DPYSL3: variants seen among roughly 807,000 people sequenced by gnomAD.
DPYSL3 encodes dihydropyrimidinase like 3.
DPYSL3 carries 16 observed loss-of-function variants against 66.1 expected under a neutral mutation model. The ratio of observed to expected loss-of-function variants is 0.24; its 90% CI spans 0.16 to 0.37. The LOEUF is 0.37. Among genes scored for constraint, DPYSL3 ranks in the 10% least tolerant of loss-of-function variants. DPYSL3 has a pLI of 1.00. For missense variants in DPYSL3, 738 were observed against 916.2 expected, an observed-to-expected ratio of 0.81 and a Z score of 2.51; for synonymous variants, 338 against 345.1, an observed-to-expected ratio of 0.98 and a Z score of 0.23.
chr5:147,493,464 T>C (rs532383228), intron 1 of DPYSL3, among the ~76,000 whole-genome samples: 2 of 152,120 alleles, frequency 1.3e-5, no homozygotes, highest in East Asian at 3.9e-4. Flanking sequence ...TCCCATCTAC[T>C]CAGGAGGCTG....
intron 1 of DPYSL3, among the ~76,000 whole-genome samples, chr5:147,474,079 T>C (rs1455979849): frequency 5.3e-5 from 8 of 152,082 alleles, no homozygotes; most frequent in Non-Finnish European, 1.2e-4. Flanking sequence ...GGAAATACTG[T>C]CTTAATCTTT....
At chr5:147,453,457 A>T (rs984512468) in intron 1 of DPYSL3, 14 of 1,455,178 alleles carry the variant, frequency 9.6e-6, no homozygotes, top group Non-Finnish European at 1.2e-5. Context: ...GGACCAGGCC[A>T]GAGAAGCCGG....
At chr5:147,424,614 C>T (rs941850740) in intron 2 of DPYSL3, among the ~76,000 whole-genome samples, 1 of 152,176 alleles carries the variant, frequency 6.6e-6, no homozygotes, top group Admixed American at 6.5e-5. Flanking sequence ...ACCTATTGCA[C>T]AAAGCCTTAT....
intron 1 of DPYSL3, among the ~76,000 whole-genome samples, chr5:147,463,856 T>C (rs1752970392): frequency 6.6e-6 from 1 of 152,156 alleles, no homozygotes; most frequent in Admixed American, 6.5e-5. Context: ...GCCCCTTTCA[T>C]ACTAGAAGGC....
intron 2 of DPYSL3, among the ~76,000 whole-genome samples, chr5:147,421,233 G>A (rs1472675652): frequency 6.6e-6 from 1 of 152,118 alleles, no homozygotes; most frequent in African/African-American, 2.4e-5. Flanking sequence ...GACAAATAGA[G>A]AGCCAAATCA....
intron 6 of DPYSL3, 32 bp downstream of exon 6, chr5:147,412,576 A>C: frequency 6.3e-7 from 1 of 1,598,546 alleles, no homozygotes; most frequent in Middle Eastern, 1.7e-4. Flanking sequence ...ATGCAGACCC[A>C]AAGCACGCTC....
At chr5:147,414,152 G>A (rs1262309259) in intron 4 of DPYSL3, among the ~76,000 whole-genome samples, 2 of 152,154 alleles carry the variant, frequency 1.3e-5, no homozygotes, top group East Asian at 3.9e-4. Context: ...GAATATTAAA[G>A]GAGAGAATAC....
At position 147,428,576 on chromosome 5, in the gene DPYSL3, C is replaced by A. The variant is rs1752244402; in HGVS notation, c.382-3613G>T. Among the ~76,000 whole-genome samples, 3 of 152,256 alleles carry A rather than the reference C, an allele frequency of 2.0e-5. No individual in the cohort carries two copies. In the South Asian group the frequency reaches 6.2e-4, roughly 32 times the overall value. On this transcript the variant is annotated intron_variant, in intron 1 of 13. Transcript: ENST00000343218. The stretch of plus-strand genomic sequence containing the variant: ...ACAAAAAAGTGTTTGTCTATGAATT[C>A]ATGGATGAGCCTGATAGATTAACAC...
At chr5:147,474,238 C>G (rs1052466429) in intron 1 of DPYSL3, among the ~76,000 whole-genome samples, 3 of 152,012 alleles carry the variant, frequency 2.0e-5, no homozygotes, top group Non-Finnish European at 4.4e-5. Flanking sequence ...TTCCTTTGTC[C>G]TCCCATACAC....
At position 147,509,391 on chromosome 5, in the gene DPYSL3, G is replaced by A. The variant is rs1454601352; in HGVS notation, c.381+87C>T. 7.7e-6 allele frequency: 11 copies of A among 1,426,394 alleles called. No homozygotes were observed. In the Admixed American group the frequency reaches 2.8e-4, roughly 36 times the overall value. 88.4% of individuals were successfully genotyped at this position (1,426,394 alleles called of 1,614,324 possible). A position where few individuals can be genotyped will look rare whatever the true frequency, so the allele number is the denominator to read the frequency against. On this transcript the variant is annotated intron_variant, in intron 1 of 13. Coordinates refer to ENST00000343218, the MANE Select transcript of DPYSL3 (RefSeq NM_001197294.2). The surrounding 1 kb of genome is among the most constrained non-coding windows in gnomAD (Gnocchi z 5.3). ...TGTCCCCCAGCCCCGTGCAAAGTGA[G>A]CTGGAGAAAGTTGTGCCCGGGCCAT...
At chr5:147,474,544 G>T (rs144445291) in intron 1 of DPYSL3, among the ~76,000 whole-genome samples, 85 of 152,150 alleles carry the variant, frequency 5.6e-4, no homozygotes, top group African/African-American at 1.8e-3. Flanking sequence ...AAGCAGTCTT[G>T]TGCCAGAACT....
chr5:147,500,332 G>A (rs990370566), intron 1 of DPYSL3, among the ~76,000 whole-genome samples: 16 of 152,054 alleles, frequency 1.1e-4, no homozygotes, highest in African/African-American at 3.1e-4. Context: ...CAATGATAAC[G>A]GCCAGGTGCG....
chr5:147,472,912 T>C (rs1172409223), intron 1 of DPYSL3: 1 of 152,174 alleles, frequency 6.6e-6, no homozygotes, highest in Non-Finnish European at 1.5e-5. Flanking sequence ...GAAATGCATC[T>C]GAAGCTCATC....
At chr5:147,485,106 C>T (rs568512245) in intron 1 of DPYSL3, among the ~76,000 whole-genome samples, 18 of 152,206 alleles carry the variant, frequency 1.2e-4, no homozygotes, top group African/African-American at 3.9e-4. Flanking sequence ...TGCTTTTATT[C>T]GATTGCAAAA....
At chr5:147,488,261 G>C (rs1174943250) in intron 1 of DPYSL3, among the ~76,000 whole-genome samples, 1 of 152,134 alleles carries the variant, frequency 6.6e-6, no homozygotes, top group African/African-American at 2.4e-5. Flanking sequence ...AAAGAAACCA[G>C]GAGGTAGATC....
chr5:147,452,454 C>G (rs966180999), intron 1 of DPYSL3, among the ~76,000 whole-genome samples: 1 of 151,872 alleles, frequency 6.6e-6, no homozygotes, highest in Non-Finnish European at 1.5e-5. Flanking sequence ...CACACACACA[C>G]ACACACACAC....
intron 1 of DPYSL3, chr5:147,453,592 G>C: frequency 6.5e-7 from 1 of 1,536,786 alleles, no homozygotes; most frequent in Non-Finnish European, 8.8e-7. Context: ...GGACATGGTG[G>C]CGGTGGTGGC....
At chr5:147,497,165 C>T (rs1344750925) in intron 1 of DPYSL3, among the ~76,000 whole-genome samples, 3 of 149,480 alleles carry the variant, frequency 2.0e-5, no homozygotes, top group East Asian at 2.0e-4. Flanking sequence ...AAACCAAACA[C>T]TGCATGTTCT....
In DPYSL3 at chr5:147,391,208, C is replaced by T. The variant is rs1757789623; in HGVS notation, c.*2827G>A. The T allele has an allele frequency of 6.6e-6, 1 of 152,584 alleles. No homozygotes were observed. Among genetic ancestry groups the T allele is most frequent in the South Asian group, 2.1e-4 (1 of 4,830 alleles). The allele number at this position is 152,584 out of a possible 1,614,324, so 9.5% of individuals were successfully genotyped here. ...TGAGTGAAAATCCAGGCTCAGGTGT[C>T]AGCCCTTTGTGGAAACATGACACTC... On this transcript the variant is annotated 3_prime_UTR_variant, in exon 14 of 14. Coordinates refer to ENST00000343218, the MANE Select transcript of DPYSL3 (RefSeq NM_001197294.2).
Sources: gnomAD v4.1 joint callset for allele counts (sites outside exome capture counted in the v4.1 genomes callset) on GRCh38, gnomAD v4.1.1 for gene constraint, Gnocchi (gnomAD v3.1) non-coding constraint, MANE v1.5 for transcripts, NCBI Gene and HGNC (gene_info 2026-07-23, HGNC 2026-07-21) for gene names.